The following INO80 variants were observed in gnomAD, a reference collection of about 807,000 sequenced individuals.
INO80 encodes INO80 complex ATPase subunit.
In INO80, 20 loss-of-function variants were observed where a neutral mutation model predicts 203.4. The ratio of observed to expected loss-of-function variants is 0.10; its 90% CI spans 0.07 to 0.14. INO80 has a LOEUF of 0.14. INO80 is among the 10% of genes least tolerant of loss of function. The pLI is 1.00. For missense variants in INO80, 1,419 were observed against 1,914.4 expected (o/e 0.74, Z 4.83); for synonymous variants, 726 against 685.2 (o/e 1.06, Z -0.93).
At position 40,987,769 on chromosome 15, in the gene INO80, T is replaced by C. The variant is rs1251727214; in HGVS notation, c.3729+47A>G. The C allele has an allele frequency of 5.7e-6, 9 of 1,572,202 alleles. No individual in the cohort carries two copies. The South Asian group carries it at 1.0e-4, about 18-fold the overall frequency. ...CTCAATGCAGTCAATGTGGTTGGAC[T>C]TTCTGTTTGCTCCACCAGTGTAGGA... On this transcript the variant is annotated intron_variant, in intron 30 of 35. Coordinates refer to ENST00000648947, the MANE Select transcript of INO80 (RefSeq NM_017553.3).
intron 19 of INO80, among the ~76,000 whole-genome samples, chr15:41,051,128 CAAA>C (rs368535813): frequency 1.1e-4 from 9 of 78,486 alleles, no homozygotes; most frequent in Admixed American, 2.7e-4. Flanking sequence ...GACTCCATCT[CAAA>C]AAAAAAAAAA....
At chr15:41,112,914 T>C (rs993046005) in intron 1 of INO80, among the ~76,000 whole-genome samples, 2 of 151,576 alleles carry the variant, frequency 1.3e-5, no homozygotes, top group African/African-American at 4.8e-5. Context: ...ATTTCATGTG[T>C]ATTTTGTTGT....
chr15:41,066,168 G>A (rs1005667364), intron 14 of INO80, among the ~76,000 whole-genome samples: 1 of 151,514 alleles, frequency 6.6e-6, no homozygotes, highest in Non-Finnish European at 1.5e-5. Context: ...AGTAGAGATG[G>A]GGTTTCTCCA....
intron 15 of INO80, among the ~76,000 whole-genome samples, 154 bp from the exon 16 acceptor site, chr15:41,058,935 C>T (rs1007953154): frequency 2.6e-5 from 4 of 151,974 alleles, no homozygotes; most frequent in African/African-American, 9.7e-5. Context: ...TGAAGTGAAC[C>T]ATACTGTGGG....
At chr15:41,010,157 A>T (rs1013941514) in intron 27 of INO80, among the ~76,000 whole-genome samples, 1 of 152,174 alleles carries the variant, frequency 6.6e-6, no homozygotes, top group African/African-American at 2.4e-5. Context: ...TCCACACACC[A>T]CATCAGTGGC....
chr15:40,979,587 T>C lies in INO80; in HGVS notation c.*636A>G, dbSNP rs981478518. 9 of 153,594 alleles carry C rather than the reference T, an allele frequency of 5.9e-5. No individual in the cohort carries two copies. Among genetic ancestry groups the C allele is most frequent in the Non-Finnish European group, 8.7e-5 (6 of 68,896 alleles). 9.5% of individuals were successfully genotyped at this position (153,594 alleles called of 1,614,324 possible). A position where few individuals can be genotyped will look rare whatever the true frequency, so the allele number is the denominator to read the frequency against. ...TGCTGGTAGGATCTGAAGGTTCTCT[T>C]GGTGTGAACCATGCAGGATGGGAGG... On this transcript the variant is annotated 3_prime_UTR_variant, in exon 36 of 36. Coordinates refer to ENST00000648947, the MANE Select transcript of INO80 (RefSeq NM_017553.3).
intron 9 of INO80, among the ~76,000 whole-genome samples, chr15:41,075,701 G>A (rs1052643130): frequency 6.6e-6 from 1 of 152,036 alleles, no homozygotes; most frequent in Non-Finnish European, 1.5e-5. Context: ...TGATCTGCCC[G>A]TCTCAGCCTC....
chr15:41,025,680 A>G (rs866054301), intron 25 of INO80, among the ~76,000 whole-genome samples: 1 of 152,136 alleles, frequency 6.6e-6, no homozygotes. Context: ...GTGTCACTGC[A>G]CTCCAGCCTG....
intron 29 of INO80, among the ~76,000 whole-genome samples, chr15:40,991,101 C>G (rs1467740296): frequency 6.6e-6 from 1 of 152,136 alleles, no homozygotes; most frequent in Non-Finnish European, 1.5e-5. Context: ...CTAGAAGACC[C>G]AGTGGCAACC....
Position 41,070,547 on chromosome 15 carries a change from C to T in INO80, c.1606G>A (p.Gly536Ser). 6.2e-7 allele frequency: 1 copy of T among 1,612,958 alleles called. No individual in the cohort carries two copies. Among genetic ancestry groups the T allele is most frequent in the Admixed American group, 1.7e-5 (1 of 59,956 alleles). Residue 536 changes from glycine to serine, a missense_variant and splice_region_variant, in exon 13 of 36, where the codon GGT becomes AGT. Coordinates refer to ENST00000648947, the MANE Select transcript of INO80 (RefSeq NM_017553.3). ...TCATCAGCAAGAATGCCATTAATACCCTGGGGAAAAAAAATACATGGTCAA... is the reference window on the plus strand; with the variant it reads ...TCATCAGCAAGAATGCCATTAATACTCTGGGGAAAAAAAATACATGGTCAA... ...MNWLANLYEQ[G>S]INGILADEMG... is the part of the protein sequence containing the mutation.
chr15:41,038,945 A>C (rs972681536), intron 24 of INO80, among the ~76,000 whole-genome samples: 2 of 152,218 alleles, frequency 1.3e-5, no homozygotes. Flanking sequence ...CGAGGAATAC[A>C]ACTTTAAGCA....
At chr15:41,039,814 C>A (rs1220535245) in intron 24 of INO80, among the ~76,000 whole-genome samples, 1 of 152,248 alleles carries the variant, frequency 6.6e-6, no homozygotes, top group Non-Finnish European at 1.5e-5. Flanking sequence ...TGAGTCTCCA[C>A]TCTACCACCA....
chr15:41,007,843 CTA>C (rs2044072580), intron 27 of INO80, among the ~76,000 whole-genome samples: 1 of 151,448 alleles, frequency 6.6e-6, no homozygotes, highest in Non-Finnish European at 1.5e-5. Flanking sequence ...CATCCTCACA[CTA>C]TAGGAAAACA....
intron 29 of INO80, among the ~76,000 whole-genome samples, chr15:40,990,508 G>A (rs566217033): frequency 6.6e-6 from 1 of 152,252 alleles, no homozygotes; most frequent in Admixed American, 6.5e-5. Flanking sequence ...TTACAGGTAT[G>A]AGCCACTGCA....
intron 29 of INO80, 132 bp from the exon 30 acceptor site, chr15:40,988,106 G>C (rs1213346213): frequency 6.2e-6 from 4 of 648,542 alleles, no homozygotes; most frequent in Non-Finnish European, 1.1e-5. Flanking sequence ...ATTGAGCTAA[G>C]TAAGATACAT....
At chr15:41,045,734 A>G (rs2044746082) in intron 23 of INO80, among the ~76,000 whole-genome samples, 1 of 151,466 alleles carries the variant, frequency 6.6e-6, no homozygotes, top group Admixed American at 6.6e-5. Context: ...CTCTACAAAA[A>G]AAAAAGAATA....
intron 13 of INO80, among the ~76,000 whole-genome samples, chr15:41,069,942 G>T (rs1035840113): frequency 1.3e-5 from 2 of 152,066 alleles, no homozygotes; most frequent in East Asian, 3.8e-4. Context: ...TGTATGTATT[G>T]TTTTCTACTA....
chr15:40,980,474 C>A, intron 35 of INO80, 34 bp from the exon 36 acceptor site: 1 of 1,531,896 alleles, frequency 6.5e-7, no homozygotes, highest in Non-Finnish European at 9.0e-7. Flanking sequence ...AACGTAAGCA[C>A]CAGTCCCGCG....
intron 24 of INO80, among the ~76,000 whole-genome samples, chr15:41,033,790 G>A (rs2044528174): frequency 6.6e-6 from 1 of 152,122 alleles, no homozygotes; most frequent in African/African-American, 2.4e-5. Context: ...AGTGGCTCAC[G>A]CCTGTAATCC....
Sources: gnomAD v4.1 joint callset for allele counts (sites outside exome capture counted in the v4.1 genomes callset) on GRCh38, gnomAD v4.1.1 for gene constraint, MANE v1.5 for transcripts, NCBI Gene and HGNC (gene_info 2026-07-23, HGNC 2026-07-21) for gene names.